Variants in PCDH15 observed in about 807,000 individuals in gnomAD.
The protein encoded by PCDH15 is protocadherin related 15.
PCDH15 carries 129 observed loss-of-function variants against 178.5 expected under a neutral mutation model. The observed-to-expected ratio is 0.72, with a 90% CI of 0.63 to 0.84. The LOEUF is 0.84. PCDH15 is among the 40% of genes least tolerant of loss of function. The probability of loss-of-function intolerance (pLI) is 0.00; values close to 1 mark genes in which losing one functional copy is unlikely to be tolerated. For missense variants in PCDH15, 2,230 were observed against 2,099.9 expected (o/e 1.06, Z -1.21); for synonymous variants, 800 against 732.0 (o/e 1.09, Z -1.50).
intron 2 of PCDH15, among the ~76,000 whole-genome samples, chr10:55,050,009 A>T (rs1379817192): frequency 3.3e-5 from 5 of 152,026 alleles, no homozygotes; most frequent in Non-Finnish European, 5.9e-5. Flanking sequence ...TCTATTTTCC[A>T]ACATAGTTAC....
chr10:54,528,329 CAA>C, intron 2 of PCDH15: 1 of 1,469,954 alleles, frequency 6.8e-7, no homozygotes, highest in East Asian at 2.4e-5. Context: ...GAGAATAAAA[CAA>C]AGACAGACAA....
At chr10:55,128,422 T>C (rs1837958636) in intron 2 of PCDH15, among the ~76,000 whole-genome samples, 1 of 152,020 alleles carries the variant, frequency 6.6e-6, no homozygotes, top group Non-Finnish European at 1.5e-5. Flanking sequence ...GAGACCTATA[T>C]GTACTTAATT....
At chr10:54,909,134 A>G (rs1481940927) in intron 2 of PCDH15, among the ~76,000 whole-genome samples, 1 of 152,048 alleles carries the variant, frequency 6.6e-6, no homozygotes, top group Non-Finnish European at 1.5e-5. Flanking sequence ...ATGTGTGCTG[A>G]TTGGTCTATG....
intron 2 of PCDH15, among the ~76,000 whole-genome samples, chr10:55,123,895 C>T (rs1284018067): frequency 1.3e-5 from 2 of 152,094 alleles, no homozygotes; most frequent in Admixed American, 1.3e-4. Flanking sequence ...ACATGGATTT[C>T]CCTTTGGCAT....
chr10:53,897,300 C>T (rs1027843431), intron 26 of PCDH15, among the ~76,000 whole-genome samples: 5 of 151,822 alleles, frequency 3.3e-5, no homozygotes, highest in Non-Finnish European at 7.4e-5. Context: ...TGTTTAAAAA[C>T]GCAGTACATA....
chr10:55,345,373 C>T (rs1844724428), intron 2 of PCDH15, among the ~76,000 whole-genome samples: 1 of 151,896 alleles, frequency 6.6e-6, no homozygotes, highest in Admixed American at 6.6e-5. Context: ...TGCTATATAT[C>T]ACCTCAAGGC....
intron 1 of PCDH15, among the ~76,000 whole-genome samples, chr10:55,221,315 A>G (rs1193165346): frequency 6.6e-6 from 1 of 152,096 alleles, no homozygotes; most frequent in East Asian, 1.9e-4. Flanking sequence ...CTAGGCTTTA[A>G]AATATGGATA....
rs867340454 is a variant in PCDH15 at position 54,022,987 on chromosome 10, C to T, written c.2431G>A (p.Asp811Asn). Residue 811 changes from aspartate (D) to asparagine (N), a missense_variant, in exon 19 of 38, where the codon GAC (aspartate) becomes AAC (asparagine). Asp to Asn is a conservative substitution (Grantham distance 23, BLOSUM62 1). Transcript: ENST00000644397. ...STLTLAIKVL[D>N]IDDNSPVFTN... ...AACACAGGACTGTTATCATCAATGT[C>T]CAAAACCTTGATGGCCAAGGTTAGA... 1 of 1,613,926 alleles carries T rather than the reference C, an allele frequency of 6.2e-7. No individual in the cohort carries two copies. The highest frequency in any genetic ancestry group is 1.1e-5 in the South Asian group (1 of 91,086).
intron 2 of PCDH15, among the ~76,000 whole-genome samples, chr10:55,439,595 AT>A (rs34013835): frequency 0.54 from 81,457 of 150,412 alleles, 22,154 homozygotes; most frequent in Middle Eastern, 0.57. Context: ...AGTTTATGGC[AT>A]TTTTTTTTTT....
chr10:55,460,063 G>A (rs561154001), intron 2 of PCDH15, among the ~76,000 whole-genome samples: 1 of 152,014 alleles, frequency 6.6e-6, no homozygotes, highest in East Asian at 1.9e-4. Flanking sequence ...AGTGATTGTG[G>A]AATGTGAAGA....
chr10:55,614,712 GGTAT>G (rs1388473420), intron 2 of PCDH15, among the ~76,000 whole-genome samples: 1 of 151,940 alleles, frequency 6.6e-6, no homozygotes, highest in East Asian at 1.9e-4. Flanking sequence ...TCACTATTTG[GGTAT>G]GATCAACTTC....
intron 2 of PCDH15, among the ~76,000 whole-genome samples, chr10:55,379,270 C>T (rs999365195): frequency 2.0e-4 from 30 of 151,916 alleles, no homozygotes; most frequent in Admixed American, 4.6e-4. Context: ...ATCACAGACG[C>T]TTTCTTCAAT....
chr10:55,235,013 A>T (rs967076506), intron 1 of PCDH15, among the ~76,000 whole-genome samples: 21 of 152,112 alleles, frequency 1.4e-4, no homozygotes, highest in African/African-American at 5.1e-4. Context: ...TGCCATGTAC[A>T]GCCACAAAGT....
At chr10:54,138,904 GTTT>G (rs370708653) in intron 14 of PCDH15, among the ~76,000 whole-genome samples, 3 of 150,624 alleles carry the variant, frequency 2.0e-5, no homozygotes, top group South Asian at 4.2e-4. Flanking sequence ...CATGTATTAC[GTTT>G]TTTTTTGTCT....
intron 2 of PCDH15, among the ~76,000 whole-genome samples, chr10:55,145,991 A>G (rs553794120): frequency 6.6e-6 from 1 of 151,306 alleles, no homozygotes; most frequent in Non-Finnish European, 1.5e-5. Flanking sequence ...ATAAACAGGA[A>G]TATCTTTCCA....
chr10:54,484,753 G>T (rs2078978996), intron 3 of PCDH15, among the ~76,000 whole-genome samples: 2 of 151,770 alleles, frequency 1.3e-5, no homozygotes, highest in South Asian at 4.1e-4. Context: ...AATGCAAGGA[G>T]TTGGAAAAAA....
intron 2 of PCDH15, among the ~76,000 whole-genome samples, chr10:54,641,912 A>G (rs2093998723): frequency 6.6e-6 from 1 of 151,820 alleles, no homozygotes; most frequent in Admixed American, 6.6e-5. Context: ...CTTAGAATGA[A>G]GACTAAAATT....
rs114956268 is a variant in PCDH15 at position 54,220,170 on chromosome 10, G to A, written c.986-6122C>T. Among the ~76,000 whole-genome samples, 542 of 152,314 alleles carry A rather than the reference G, an allele frequency of 3.6e-3. 3 individuals carry two copies. The highest frequency in any genetic ancestry group is 0.012 in the African/African-American group (511 of 41,574). Reference sequence around the variant, plus strand: ...AAGATAATTGAATAATAGCCGCTGAGCTGGGAAAGATTTTCATTTCCCAGA... The same window carrying A: ...AAGATAATTGAATAATAGCCGCTGAACTGGGAAAGATTTTCATTTCCCAGA... On this transcript the variant is annotated intron_variant, in intron 9 of 37. Coordinates refer to ENST00000644397, the MANE Select transcript of PCDH15 (RefSeq NM_001384140.1).
chr10:54,395,514 T>C (rs1413820962), intron 3 of PCDH15, among the ~76,000 whole-genome samples: 1 of 151,548 alleles, frequency 6.6e-6, no homozygotes, highest in Non-Finnish European at 1.5e-5. Flanking sequence ...TGAAATGACA[T>C]ACAATAGGTC....
Sources: allele counts gnomAD v4.1 joint callset (sites outside exome capture counted in the v4.1 genomes callset), GRCh38; gene constraint gnomAD v4.1.1; transcripts MANE v1.5; gene names NCBI Gene and HGNC (gene_info 2026-07-23, HGNC 2026-07-21).